Variants in ZNF804B observed in about 807,000 individuals in gnomAD.
ZNF804B encodes the protein zinc finger protein 804B.
In ZNF804B, 80 loss-of-function variants were observed where a neutral mutation model predicts 101.4. The ratio of observed to expected loss-of-function variants is 0.79; its 90% CI spans 0.66 to 0.95. The LOEUF is 0.95. ZNF804B is among the 40% of genes least tolerant of loss of function. The pLI, the probability that ZNF804B is intolerant of heterozygous loss-of-function variation, is 0.00. For synonymous variants in ZNF804B, 622 were observed against 558.8 expected (o/e 1.11, Z -1.59); for missense variants, 1,673 against 1,561.9 (o/e 1.07, Z -1.20).
intron 1 of ZNF804B, among the ~76,000 whole-genome samples, chr7:88,991,081 T>C (rs1424363246): frequency 6.6e-6 from 1 of 152,132 alleles, no homozygotes; most frequent in Admixed American, 6.6e-5. Flanking sequence ...AAGTCAAAAA[T>C]CTGCTTAAAA....
At chr7:89,198,342 A>C (rs73206536) in intron 1 of ZNF804B, among the ~76,000 whole-genome samples, 19 of 152,084 alleles carry the variant, frequency 1.2e-4, no homozygotes, top group Non-Finnish European at 1.9e-4. Context: ...ATTTATAGTA[A>C]ATGCATAAAG....
intron 1 of ZNF804B, among the ~76,000 whole-genome samples, chr7:89,213,364 A>T (rs1562917829): frequency 6.6e-6 from 1 of 152,220 alleles, no homozygotes; most frequent in Non-Finnish European, 1.5e-5. Flanking sequence ...TACACATAAC[A>T]GTGAAGGGTC....
chr7:88,888,879 A>G (rs888335811), intron 1 of ZNF804B, among the ~76,000 whole-genome samples: 15 of 152,100 alleles, frequency 9.9e-5, no homozygotes, highest in African/African-American at 3.6e-4. Flanking sequence ...TTGGGTTACA[A>G]TTGATTGCAT....
At chr7:89,033,681 A>G (rs918879491) in intron 1 of ZNF804B, among the ~76,000 whole-genome samples, 3 of 152,162 alleles carry the variant, frequency 2.0e-5, no homozygotes, top group Non-Finnish European at 4.4e-5. Flanking sequence ...TTATGTAAAT[A>G]CATTTTCAAC....
chr7:89,085,887 C>A (rs1209494378), intron 1 of ZNF804B, among the ~76,000 whole-genome samples: 2 of 151,980 alleles, frequency 1.3e-5, no homozygotes, highest in African/African-American at 4.8e-5. Flanking sequence ...ATGACAATCC[C>A]TCAAAAATAT....
At chr7:89,291,521 T>C (rs1004268024) in intron 2 of ZNF804B, among the ~76,000 whole-genome samples, 5 of 152,056 alleles carry the variant, frequency 3.3e-5, no homozygotes, top group African/African-American at 4.8e-5. Context: ...AATATCAGAA[T>C]TGATCAAACA....
intron 2 of ZNF804B, among the ~76,000 whole-genome samples, chr7:89,252,680 C>T (rs1789561012): frequency 6.6e-6 from 1 of 152,180 alleles, no homozygotes; most frequent in South Asian, 2.1e-4. Flanking sequence ...AGTACATATA[C>T]ACCATAGAAT....
At chr7:88,991,026 T>G (rs995083048) in intron 1 of ZNF804B, among the ~76,000 whole-genome samples, 1 of 152,148 alleles carries the variant, frequency 6.6e-6, no homozygotes, top group African/African-American at 2.4e-5. Context: ...TCACCAGTCA[T>G]TGATCTTCTA....
chr7:88,924,401 T>G (rs947435396), intron 1 of ZNF804B, among the ~76,000 whole-genome samples: 8 of 152,150 alleles, frequency 5.3e-5, no homozygotes, highest in African/African-American at 1.7e-4. Flanking sequence ...TCTTATACTT[T>G]AGTTTATACT....
At chr7:89,181,468 A>G (rs1431163561) in intron 1 of ZNF804B, among the ~76,000 whole-genome samples, 1 of 152,176 alleles carries the variant, frequency 6.6e-6, no homozygotes, top group Admixed American at 6.5e-5. Flanking sequence ...GCGCTATAAT[A>G]GAGCAGCACT....
chr7:88,960,859 AAAG>A (rs1288733722), intron 1 of ZNF804B, among the ~76,000 whole-genome samples: 3 of 151,432 alleles, frequency 2.0e-5, no homozygotes, highest in African/African-American at 4.8e-5. Context: ...TTATTGAAAA[AAAG>A]AAAATATTCA....
rs73705592 is a variant in ZNF804B, at chr7:88,929,915, C to T, written c.108+169831C>T. Among the ~76,000 whole-genome samples, 457 of 151,772 alleles carry T rather than the reference C, an allele frequency of 3.0e-3. 4 individuals carry two copies. The highest frequency in any genetic ancestry group is 0.01 in the African/African-American group (434 of 41,448). ...CTTTACAACCATTTCAAGTTTTTAA[C>T]GACTAAGCATTTTTTCTCGAACTTT... On this transcript the variant is annotated intron_variant, in intron 1 of 3. Coordinates refer to ENST00000333190, the MANE Select transcript of ZNF804B (RefSeq NM_181646.5).
chr7:89,283,505 G>C (rs552270669), intron 2 of ZNF804B, among the ~76,000 whole-genome samples: 1 of 152,110 alleles, frequency 6.6e-6, no homozygotes, highest in Non-Finnish European at 1.5e-5. Context: ...TCCAGCCTGG[G>C]TGACACAGCA....
intron 1 of ZNF804B, among the ~76,000 whole-genome samples, chr7:89,086,440 A>G (rs1005071266): frequency 3.3e-5 from 5 of 151,984 alleles, no homozygotes; most frequent in Non-Finnish European, 5.9e-5. Flanking sequence ...TGCATTTACC[A>G]AACAGCTCTT....
At chr7:89,067,279 A>G (rs1022948714) in intron 1 of ZNF804B, among the ~76,000 whole-genome samples, 7 of 152,156 alleles carry the variant, frequency 4.6e-5, no homozygotes, top group African/African-American at 1.7e-4. Context: ...GCAATTGTAG[A>G]CCGAGTTGTT....
intron 1 of ZNF804B, among the ~76,000 whole-genome samples, chr7:89,060,057 T>G (rs1030089030): frequency 6.6e-6 from 1 of 152,116 alleles, no homozygotes; most frequent in Non-Finnish European, 1.5e-5. Flanking sequence ...TTCAGAGCCC[T>G]CTGACTGAGA....
At chr7:89,148,914 A>G (rs1033673054) in intron 1 of ZNF804B, among the ~76,000 whole-genome samples, 7 of 152,104 alleles carry the variant, frequency 4.6e-5, no homozygotes, top group African/African-American at 1.7e-4. Context: ...GGCTGAAAGA[A>G]GCTAGCCATA....
intron 1 of ZNF804B, among the ~76,000 whole-genome samples, chr7:88,883,131 A>G (rs1481257125): frequency 6.6e-6 from 1 of 152,108 alleles, no homozygotes; most frequent in Non-Finnish European, 1.5e-5. Flanking sequence ...TTGTCACACA[A>G]AAGAAGCATT....
At chr7:89,207,277 C>A (rs1005054256) in intron 1 of ZNF804B, among the ~76,000 whole-genome samples, 5 of 152,212 alleles carry the variant, frequency 3.3e-5, no homozygotes, top group South Asian at 2.1e-4. Flanking sequence ...CAGAGGAAAG[C>A]AGTTTAATTG....
Sources: gnomAD v4.1 joint callset for allele counts (sites outside exome capture counted in the v4.1 genomes callset) on GRCh38, gnomAD v4.1.1 for gene constraint, MANE v1.5 for transcripts, NCBI Gene and HGNC (gene_info 2026-07-23, HGNC 2026-07-21) for gene names.